The following RRM2B variants were observed in gnomAD, a reference collection of about 807,000 sequenced individuals.
RRM2B encodes ribonucleoside-diphosphate reductase subunit M2 B.
A neutral mutation model predicts 45.9 loss-of-function variants in RRM2B; 20 were observed. That is an observed-to-expected ratio of 0.44 (90% confidence interval 0.31 to 0.63). The LOEUF (loss-of-function observed/expected upper bound fraction) is 0.63, where lower values mean the gene tolerates loss of function less well. Ranked by LOEUF, RRM2B falls within the 30% of genes least tolerant of loss-of-function variation. The probability of loss-of-function intolerance (pLI) is 0.09; values close to 1 mark genes in which losing one functional copy is unlikely to be tolerated. For missense variants in RRM2B, 320 were observed against 414.7 expected, an observed-to-expected ratio of 0.77 and a Z score of 1.98; for synonymous variants, 124 against 132.3, an observed-to-expected ratio of 0.94 and a Z score of 0.43.
At chr8:102,231,473 A>C (rs186596380) in intron 2 of RRM2B, among the ~76,000 whole-genome samples, 1 of 152,126 alleles carries the variant, frequency 6.6e-6, no homozygotes, top group Non-Finnish European at 1.5e-5. Context: ...TACAGCTTTC[A>C]CTCATTTTTT....
At chr8:102,210,342 T>C (rs1253986877) in intron 8 of RRM2B, among the ~76,000 whole-genome samples, 2 of 152,168 alleles carry the variant, frequency 1.3e-5, no homozygotes, top group East Asian at 1.9e-4. Context: ...ACTGAACCAA[T>C]AGCCATAGAC....
At chr8:102,228,275 C>T (rs907001582) in intron 2 of RRM2B, among the ~76,000 whole-genome samples, 27 of 152,262 alleles carry the variant, frequency 1.8e-4, no homozygotes, top group African/African-American at 4.6e-4. Flanking sequence ...CAGCTGGGGA[C>T]GGCCAGACAG....
rs1259580535 is a variant in RRM2B at position 102,238,612 on chromosome 8, G to A, written c.48+215C>T. On this transcript the variant is annotated intron_variant, in intron 1 of 8. Coordinates refer to ENST00000251810, the MANE Select transcript of RRM2B (RefSeq NM_015713.5). ...TTGGCTGGCCCCGGGGCAGAGCAGC[G>A]AGCGGGACGCAAACCCAAAGTCAGC... 1 of 1,509,490 alleles carries A rather than the reference G, an allele frequency of 6.6e-7. No individual in the cohort carries two copies. The highest frequency in any genetic ancestry group is 8.8e-7 in the Non-Finnish European group (1 of 1,133,038). The allele number at this position is 1,509,490 out of a possible 1,614,324, so 93.5% of individuals were successfully genotyped here.
In RRM2B at chr8:102,224,105, T is replaced by C. The variant is rs761857080; in HGVS notation, c.491A>G (p.Tyr164Cys). 5.0e-6 allele frequency: 8 copies of C among 1,613,008 alleles called. 1 individual carries two copies. The highest frequency in any genetic ancestry group is 1.7e-4 in the Middle Eastern group (1 of 6,056). Reference sequence around the variant, plus strand: ...GGCCCAATCTGCTTTTTTCTTAACATAGGGCATGGTTTCAATTGCATTAAA... The same window carrying C: ...GGCCCAATCTGCTTTTTTCTTAACACAGGGCATGGTTTCAATTGCATTAAA... Reference protein sequence around the residue: ...FLFNAIETMPYVKKKADWALR... With the variant: ...FLFNAIETMPCVKKKADWALR... Residue 164 changes from tyrosine to cysteine, a missense_variant, in exon 5 of 9, where the codon TAT becomes TGT. By Grantham distance (194) the Tyr-to-Cys change is radical (BLOSUM62 -2). This residue lies in a region of RRM2B where 225 missense variants were observed against 289.4 expected (regional missense o/e 0.78). Transcript: ENST00000251810.
At chr8:102,209,556 T>C (rs1810600810) in intron 8 of RRM2B, among the ~76,000 whole-genome samples, 1 of 152,234 alleles carries the variant, frequency 6.6e-6, no homozygotes, top group Non-Finnish European at 1.5e-5. Context: ...GTGCAGCTGC[T>C]TTAGAAAACA....
In RRM2B at chr8:102,234,791, A is replaced by G. The variant is rs562317265; in HGVS notation, c.49-2487T>C. Reference sequence around the variant, plus strand: ...CTTGAACCCAGAAGGCAGAGATTGCAGTGAGCTGAGATCACGCCACTGCAC... The same window carrying G: ...CTTGAACCCAGAAGGCAGAGATTGCGGTGAGCTGAGATCACGCCACTGCAC... On this transcript the variant is annotated intron_variant, in intron 1 of 8. Transcript: ENST00000251810. 1.2e-3 allele frequency: 178 copies of G among 154,636 alleles called. 1 individual carries two copies. Among genetic ancestry groups the G allele is most frequent in the Non-Finnish European group, 1.9e-3 (132 of 68,850 alleles). The allele number at this position is 154,636 out of a possible 1,614,324, so 9.6% of individuals were successfully genotyped here. A position where few individuals can be genotyped will look rare whatever the true frequency, so the allele number is the denominator to read the frequency against.
chr8:102,227,425 G>A (rs1259953336), intron 2 of RRM2B, among the ~76,000 whole-genome samples: 1 of 152,110 alleles, frequency 6.6e-6, no homozygotes, highest in African/African-American at 2.4e-5. Flanking sequence ...AGCCTCCAGA[G>A]GCACAGGTGG....
At chr8:102,229,032 G>A (rs923653264) in intron 2 of RRM2B, among the ~76,000 whole-genome samples, 1 of 152,204 alleles carries the variant, frequency 6.6e-6, no homozygotes, top group Non-Finnish European at 1.5e-5. Context: ...AAGGTGAGTG[G>A]ATCATGAGGT....
chr8:102,213,509 C>T (rs868473672), intron 7 of RRM2B, among the ~76,000 whole-genome samples: 161 of 152,284 alleles, frequency 1.1e-3, no homozygotes, highest in African/African-American at 3.7e-3. Flanking sequence ...TGTTAAACTA[C>T]GCAGTGTTAC....
rs1167279203 is a variant in RRM2B, at chr8:102,206,825, C to T, written c.*1308G>A. 3 of 152,020 alleles carry T rather than the reference C, an allele frequency of 2.0e-5. No homozygotes were observed. The highest frequency in any genetic ancestry group is 6.6e-5 in the Admixed American group (1 of 15,250). The allele number at this position is 152,020 out of a possible 1,614,324, so 9.4% of individuals were successfully genotyped here. On this transcript the variant is annotated 3_prime_UTR_variant, in exon 9 of 9. Coordinates refer to ENST00000251810, the MANE Select transcript of RRM2B (RefSeq NM_015713.5). ...CTTTCATCAGACTCTTCTAGAGAAA[C>T]CTCCTTTTCCCTCACCATTGGCTAT...
At position 102,205,009 on chromosome 8, in the gene RRM2B, G is replaced by A; in HGVS notation, c.*3124C>T. On this transcript the variant is annotated 3_prime_UTR_variant, in exon 9 of 9. Coordinates refer to ENST00000251810, the MANE Select transcript of RRM2B (RefSeq NM_015713.5). ...CTTTAACTTTTTACAAAGGAGCAGAGCACTTAAAGGGAAATGGTGGGAAAC... is the reference window on the plus strand; with the variant it reads ...CTTTAACTTTTTACAAAGGAGCAGAACACTTAAAGGGAAATGGTGGGAAAC... 1 of 152,160 alleles carries A rather than the reference G, an allele frequency of 6.6e-6. No homozygotes were observed. Among genetic ancestry groups the A allele is most frequent in the East Asian group, 1.9e-4 (1 of 5,202 alleles). 9.4% of individuals were successfully genotyped at this position (152,160 alleles called of 1,614,324 possible).
chr8:102,236,255 C>G (rs1377572288), intron 1 of RRM2B, among the ~76,000 whole-genome samples: 1 of 152,098 alleles, frequency 6.6e-6, no homozygotes, highest in African/African-American at 2.4e-5. Flanking sequence ...CCCATTTGCC[C>G]CCAACCCCAG....
intron 1 of RRM2B, among the ~76,000 whole-genome samples, chr8:102,237,128 T>C (rs760944160): frequency 1.3e-5 from 2 of 152,204 alleles, no homozygotes; most frequent in African/African-American, 2.4e-5. Context: ...TAAATTTAGC[T>C]CCTCTACTGA....
intron 2 of RRM2B, among the ~76,000 whole-genome samples, chr8:102,231,153 C>T (rs1325095707): frequency 6.6e-6 from 1 of 152,200 alleles, no homozygotes; most frequent in Non-Finnish European, 1.5e-5. Flanking sequence ...AAGACAATAA[C>T]TATTTGTTCA....
At chr8:102,219,649 G>A (rs1395307558) in intron 5 of RRM2B, among the ~76,000 whole-genome samples, 2 of 152,198 alleles carry the variant, frequency 1.3e-5, no homozygotes, top group African/African-American at 2.4e-5. Flanking sequence ...GTAACATTAT[G>A]CAGGATGATC....
At chr8:102,232,816 A>C (rs988083769) in intron 1 of RRM2B, among the ~76,000 whole-genome samples, 2 of 151,984 alleles carry the variant, frequency 1.3e-5, no homozygotes, top group Non-Finnish European at 2.9e-5. Context: ...TTATCTGAAA[A>C]CTCATTACCT....
intron 4 of RRM2B, 150 bp from the exon 5 acceptor site, chr8:102,224,290 T>A: frequency 1.6e-6 from 1 of 607,936 alleles, no homozygotes; most frequent in East Asian, 3.2e-5. Flanking sequence ...CATGCCATTC[T>A]CCTGCCTCAG....
chr8:102,213,186 A>G (rs1810665109), intron 7 of RRM2B, among the ~76,000 whole-genome samples: 1 of 151,978 alleles, frequency 6.6e-6, no homozygotes, highest in Non-Finnish European at 1.5e-5. Context: ...TTCTCAATAG[A>G]AAAAAAAGAT....
At chr8:102,227,731 G>A (rs1332429723) in intron 2 of RRM2B, among the ~76,000 whole-genome samples, 4 of 152,190 alleles carry the variant, frequency 2.6e-5, no homozygotes, top group Non-Finnish European at 5.9e-5. Context: ...GAAAGCCCAA[G>A]ATCAGGATGT....
Sources: gnomAD v4.1 joint callset for allele counts (sites outside exome capture counted in the v4.1 genomes callset) on GRCh38, gnomAD v4.1.1 for gene constraint, gnomAD v4.1.1 regional missense constraint, MANE v1.5 for transcripts, NCBI Gene and HGNC (gene_info 2026-07-23, HGNC 2026-07-21) for gene names.